Variants in NFIC observed in about 807,000 individuals in gnomAD.
NFIC encodes the protein nuclear factor I C.
In NFIC, 12 loss-of-function variants were observed where a neutral mutation model predicts 54.4. The ratio of observed to expected loss-of-function variants is 0.22; its 90% CI spans 0.14 to 0.36. NFIC has a LOEUF of 0.36. NFIC is among the 10% of genes least tolerant of loss of function. The pLI, the probability that NFIC is intolerant of heterozygous loss-of-function variation, is 1.00. For synonymous variants in NFIC, 322 were observed against 319.2 expected (o/e 1.01, Z -0.09); for missense variants, 575 against 718.2 (o/e 0.80, Z 2.28).
At chr19:3,439,978 G>C (rs895490975) in intron 6 of NFIC, among the ~76,000 whole-genome samples, 1 of 152,052 alleles carries the variant, frequency 6.6e-6, no homozygotes, top group African/African-American at 2.4e-5. Context: ...GTGAGCCACC[G>C]CGCCCGGCCA....
At chr19:3,377,356 A>AAAAAAC (rs2081126672) in intron 1 of NFIC, among the ~76,000 whole-genome samples, 1 of 150,824 alleles carries the variant, frequency 6.6e-6, no homozygotes, top group Non-Finnish European at 1.5e-5. Context: ...AAAAAAAAAA[A>AAAAAAC]ATCCAATAGC....
At chr19:3,417,806 T>TG (rs1021498831) in intron 2 of NFIC, among the ~76,000 whole-genome samples, 3 of 149,314 alleles carry the variant, frequency 2.0e-5, no homozygotes, top group East Asian at 2.0e-4. Context: ...TTTTTTTTTT[T>TG]TGTATTTTTT....
chr19:3,409,485 C>A (rs929998640), intron 2 of NFIC, among the ~76,000 whole-genome samples: 5 of 152,188 alleles, frequency 3.3e-5, no homozygotes, highest in African/African-American at 1.2e-4. Flanking sequence ...CCGTCTCCCT[C>A]CCCACTTCCT....
rs139310587 is a variant in NFIC, at chr19:3,448,775, C to T, written c.959-239C>T. ...GGGCCAGGAGCGAGGCCCAGGGGCA[C>T]GTGTTGATACCCAGCTCTCCATCCC... On this transcript the variant is annotated intron_variant, in intron 6 of 10. Coordinates refer to ENST00000443272, the MANE Select transcript of NFIC (RefSeq NM_001245002.2). Among the ~76,000 whole-genome samples the T allele has an allele frequency of 6.1e-3, 922 of 152,242 alleles. 9 individuals are homozygous for T. The highest frequency in any genetic ancestry group is 0.021 in the African/African-American group (869 of 41,526).
At chr19:3,401,451 T>C (rs1568423142) in intron 2 of NFIC, among the ~76,000 whole-genome samples, 1 of 152,172 alleles carries the variant, frequency 6.6e-6, no homozygotes, top group Non-Finnish European at 1.5e-5. Context: ...GAGGATTCAG[T>C]TGCTCACCTG....
Position 3,459,406 on chromosome 19 carries a change from C to T in NFIC, c.1509+2771C>T, listed in dbSNP as rs1237502933. ...CCTCCCCTCTGTGATGTCCTTCACG[C>T]CCCTACATTTCTCCTGCACGGGAAC... is the stretch of plus-strand genomic sequence containing the variant. On this transcript the variant is annotated intron_variant, in intron 10 of 10. Transcript: ENST00000443272. The surrounding 1 kb of genome is among the most constrained non-coding windows in gnomAD (Gnocchi z 4.2). Among the ~76,000 whole-genome samples the T allele has an allele frequency of 6.6e-6, 1 of 152,152 alleles. No individual in the cohort carries two copies. The highest frequency in any genetic ancestry group is 1.5e-5 in the Non-Finnish European group (1 of 68,028).
chr19:3,430,853 A>C, intron 3 of NFIC, among the ~76,000 whole-genome samples: 1 of 149,132 alleles, frequency 6.7e-6, no homozygotes, highest in Admixed American at 6.8e-5. Flanking sequence ...AATCGCTTGA[A>C]CCTGGGAGGC....
chr19:3,413,794 G>A (rs575986856), intron 2 of NFIC, among the ~76,000 whole-genome samples: 7 of 151,988 alleles, frequency 4.6e-5, no homozygotes, highest in East Asian at 3.9e-4. Flanking sequence ...GCACCACCAC[G>A]CCAGGCTAGT....
At chr19:3,360,893 G>C (rs1314211950) in intron 1 of NFIC, among the ~76,000 whole-genome samples, 1 of 152,214 alleles carries the variant, frequency 6.6e-6, no homozygotes, top group African/African-American at 2.4e-5. Context: ...CGTTCCAGGG[G>C]ACAGTTGGGT....
chr19:3,399,908 G>T (rs770544361), intron 2 of NFIC, among the ~76,000 whole-genome samples: 11 of 152,052 alleles, frequency 7.2e-5, no homozygotes, highest in Non-Finnish European at 8.8e-5. Flanking sequence ...AAATAGGCTG[G>T]GCACAGTGAC....
chr19:3,452,454 T>A lies in NFIC; in HGVS notation c.1085-28T>A. ...GAGCAGACCGGCTGGAGCCCCCAAG[T>A]AACCCCCGCTTCCCACTGTCTCCGC... On this transcript the variant is annotated intron_variant, in intron 7 of 10. Coordinates refer to ENST00000443272, the MANE Select transcript of NFIC (RefSeq NM_001245002.2). The surrounding 1 kb of genome is among the most constrained non-coding windows in gnomAD (Gnocchi z 5.3). The A allele has an allele frequency of 6.2e-7, 1 of 1,606,894 alleles. No individual in the cohort carries two copies. The highest frequency in any genetic ancestry group is 8.5e-7 in the Non-Finnish European group (1 of 1,179,054).
chr19:3,418,129 C>T (rs1487621884), intron 2 of NFIC, among the ~76,000 whole-genome samples: 2 of 144,992 alleles, frequency 1.4e-5, no homozygotes, highest in Non-Finnish European at 3.0e-5. Context: ...GACATAGTCT[C>T]GCTCTGTCAC....
Position 3,463,618 on chromosome 19 carries a change from C to T in NFIC, c.*849C>T, listed in dbSNP as rs1045722905. 38 of 960,816 alleles carry T rather than the reference C, an allele frequency of 4.0e-5. No homozygotes were observed. Among genetic ancestry groups the T allele is most frequent in the Non-Finnish European group, 4.7e-5 (38 of 808,404 alleles). The allele number at this position is 960,816 out of a possible 1,614,324, so 59.5% of individuals were successfully genotyped here. A position where few individuals can be genotyped will look rare whatever the true frequency, so the allele number is the denominator to read the frequency against. On this transcript the variant is annotated 3_prime_UTR_variant, in exon 11 of 11. Coordinates refer to ENST00000443272, the MANE Select transcript of NFIC (RefSeq NM_001245002.2). ...GGAGAAGTCTCTATGCAATTGGCCC[C>T]GGCCCCTCCACCCCCCACCCCCGGC...
chr19:3,373,525 A>G (rs1188089561), intron 1 of NFIC, among the ~76,000 whole-genome samples: 2 of 149,780 alleles, frequency 1.3e-5, no homozygotes, highest in Non-Finnish European at 3.0e-5. Context: ...GGGCCTTTGC[A>G]TGACCCATTT....
At chr19:3,388,295 C>T (rs988908183) in intron 2 of NFIC, among the ~76,000 whole-genome samples, 7 of 152,270 alleles carry the variant, frequency 4.6e-5, no homozygotes, top group Non-Finnish European at 1.0e-4. Flanking sequence ...ACCCCAACAG[C>T]GATAATGATG....
chr19:3,420,149 C>T (rs1216391803), intron 2 of NFIC, among the ~76,000 whole-genome samples: 3 of 152,028 alleles, frequency 2.0e-5, no homozygotes, highest in Non-Finnish European at 2.9e-5. Context: ...CGCGAAAACC[C>T]GTATCTACAA....
chr19:3,464,044 G>A lies in NFIC; in HGVS notation c.*1275G>A, dbSNP rs1366116226. ...TTCGCAAGCGTCCTGCCCTGCCGGG[G>A]CGCGGGGGTGGGCTCTGGGGAAGCC... On this transcript the variant is annotated 3_prime_UTR_variant, in exon 11 of 11. Transcript: ENST00000443272. 1.1e-5 allele frequency: 11 copies of A among 985,070 alleles called. No individual in the cohort carries two copies. Among genetic ancestry groups the A allele is most frequent in the African/African-American group, 1.7e-5 (1 of 57,178 alleles). 61.0% of individuals were successfully genotyped at this position (985,070 alleles called of 1,614,324 possible).
intron 6 of NFIC, among the ~76,000 whole-genome samples, chr19:3,442,287 C>T (rs1201774010): frequency 1.3e-5 from 2 of 152,128 alleles, no homozygotes; most frequent in African/African-American, 2.4e-5. Context: ...CCCTTGAAGG[C>T]GACAAAGGTC....
intron 2 of NFIC, among the ~76,000 whole-genome samples, chr19:3,391,595 G>A: frequency 6.6e-6 from 1 of 152,208 alleles, no homozygotes; most frequent in Admixed American, 6.5e-5. Context: ...TCAAGAGTTT[G>A]AGACCAGCCT....
Sources: allele counts gnomAD v4.1 joint callset (sites outside exome capture counted in the v4.1 genomes callset), GRCh38; gene constraint gnomAD v4.1.1; non-coding constraint Gnocchi (gnomAD v3.1); transcripts MANE v1.5; gene names NCBI Gene and HGNC (gene_info 2026-07-23, HGNC 2026-07-21).